SLC41A2: variants seen among roughly 807,000 people sequenced by gnomAD.
SLC41A2 encodes the protein solute carrier family 41 member 2.
Under a neutral mutation model 58.3 loss-of-function variants are expected in SLC41A2, and 32 were observed. That is an observed-to-expected ratio of 0.55 (90% confidence interval 0.41 to 0.74). SLC41A2 has a LOEUF of 0.74. Ranked by LOEUF, SLC41A2 falls within the 30% of genes least tolerant of loss-of-function variation. The pLI, the probability that SLC41A2 is intolerant of heterozygous loss-of-function variation, is 0.00. For synonymous variants in SLC41A2, 190 were observed against 235.0 expected (o/e 0.81, Z 1.75); for missense variants, 514 against 680.6 (o/e 0.76, Z 2.72).
chr12:104,847,860 G>A (rs922914741), intron 8 of SLC41A2, among the ~76,000 whole-genome samples: 2 of 152,084 alleles, frequency 1.3e-5, no homozygotes, highest in Non-Finnish European at 2.9e-5. Flanking sequence ...TGAGAAAAAA[G>A]TTGGTTTTGT....
At chr12:104,936,037 T>C (rs1428840351) in intron 1 of SLC41A2, among the ~76,000 whole-genome samples, 4 of 116,354 alleles carry the variant, frequency 3.4e-5, no homozygotes, top group African/African-American at 1.2e-4. Context: ...AGCGAGACTG[T>C]CTTAAAAAAA....
intron 2 of SLC41A2, among the ~76,000 whole-genome samples, chr12:104,926,344 T>C (rs2046839536): frequency 1.3e-5 from 2 of 152,210 alleles, no homozygotes; most frequent in Non-Finnish European, 2.9e-5. Context: ...GTCATGCCTG[T>C]AATCCCAGCA....
chr12:104,822,110 CT>C (rs1412627229), intron 10 of SLC41A2, among the ~76,000 whole-genome samples: 2 of 151,866 alleles, frequency 1.3e-5, no homozygotes, highest in Non-Finnish European at 2.9e-5. Context: ...AAAGTTGTTT[CT>C]TGGTTTCTAA....
At chr12:104,919,313 T>C (rs1278341940) in intron 2 of SLC41A2, among the ~76,000 whole-genome samples, 1 of 152,216 alleles carries the variant, frequency 6.6e-6, no homozygotes, top group African/African-American at 2.4e-5. Context: ...ACCATTCTTG[T>C]AGAGGATTTG....
chr12:104,949,589 T>C (rs2047874720), intron 1 of SLC41A2, among the ~76,000 whole-genome samples: 2 of 152,138 alleles, frequency 1.3e-5, no homozygotes, highest in South Asian at 2.1e-4. Flanking sequence ...TGAGCTAAAC[T>C]TTTTCTTTTT....
chr12:104,853,911 A>ATTTTTTTTTTTTTTTTTT (rs1555202443), intron 8 of SLC41A2, among the ~76,000 whole-genome samples: 4 of 59,498 alleles, frequency 6.7e-5, no homozygotes, highest in African/African-American at 2.8e-4. Flanking sequence ...TGCCTGGCTG[A>ATTTTTTTTTTTTTTTTTT]TTTTTTTTTT....
chr12:104,925,426 C>T (rs541025235), intron 2 of SLC41A2, among the ~76,000 whole-genome samples: 3 of 152,004 alleles, frequency 2.0e-5, no homozygotes, highest in South Asian at 2.1e-4. Flanking sequence ...GGCGCGGTGG[C>T]GGGCGCCTGT....
intron 1 of SLC41A2, among the ~76,000 whole-genome samples, chr12:104,954,975 G>T (rs938724767): frequency 7.5e-5 from 11 of 145,846 alleles, no homozygotes; most frequent in Admixed American, 5.4e-4. Context: ...AAAGAACCTC[G>T]TCAAGTGAGT....
At chr12:104,845,780 G>C in intron 9 of SLC41A2, 63 bp downstream of exon 9, 1 of 1,482,944 alleles carries the variant, frequency 6.7e-7, no homozygotes, top group Admixed American at 2.1e-5. Flanking sequence ...AATGTTGCCT[G>C]CCTATAATCT....
At chr12:104,926,947 G>C (rs1434112048) in intron 2 of SLC41A2, among the ~76,000 whole-genome samples, 1 of 151,926 alleles carries the variant, frequency 6.6e-6, no homozygotes, top group African/African-American at 2.4e-5. Context: ...TAATTAGTGA[G>C]GTGTAGTGCG....
chr12:104,893,676 TA>T (rs2045129943), intron 4 of SLC41A2, among the ~76,000 whole-genome samples: 1 of 152,128 alleles, frequency 6.6e-6, no homozygotes, highest in Non-Finnish European at 1.5e-5. Flanking sequence ...TATTCAGCCA[TA>T]AAAAAGAATG....
intron 6 of SLC41A2, among the ~76,000 whole-genome samples, chr12:104,870,968 T>C (rs1202894255): frequency 6.6e-6 from 1 of 152,170 alleles, no homozygotes; most frequent in African/African-American, 2.4e-5. Flanking sequence ...CCCTCAAGCA[T>C]AGAGACATTC....
Position 104,818,034 on chromosome 12 carries a change from G to A in SLC41A2, c.1537-12697C>T, listed in dbSNP as rs537817864. 3.7e-4 allele frequency among the ~76,000 whole-genome samples: 57 copies of A among 152,242 alleles called. 1 individual carries two copies. The South Asian group carries it at 0.011, about 30-fold the overall frequency. On this transcript the variant is annotated intron_variant, in intron 10 of 10. Coordinates refer to ENST00000258538, the MANE Select transcript of SLC41A2 (RefSeq NM_001352171.3). ...TTGTGAGGAATGGATATGTTAATTA[G>A]CTTGATTTAGCCACTCCACAATGAA...
At chr12:104,852,653 A>T (rs562350807) in intron 8 of SLC41A2, among the ~76,000 whole-genome samples, 1 of 152,302 alleles carries the variant, frequency 6.6e-6, no homozygotes, top group South Asian at 2.1e-4. Context: ...CAAACTAAAA[A>T]GAAAATGAGT....
intron 10 of SLC41A2, among the ~76,000 whole-genome samples, chr12:104,813,040 G>A (rs571925059): frequency 6.6e-6 from 1 of 152,078 alleles, no homozygotes; most frequent in Admixed American, 6.5e-5. Context: ...TTAGCCAGAT[G>A]TGGTGGTGCA....
rs2040777373 is a variant in SLC41A2, at chr12:104,803,690, A to ATAAC, written c.*1458_*1461dup. 1.3e-5 allele frequency: 2 copies of ATAAC among 152,312 alleles called. No homozygotes were observed. The highest frequency in any genetic ancestry group is 6.5e-5 in the Admixed American group (1 of 15,292). The allele number at this position is 152,312 out of a possible 1,614,324, so 9.4% of individuals were successfully genotyped here. On this transcript the variant is annotated 3_prime_UTR_variant, in exon 11 of 11. Coordinates refer to ENST00000258538, the MANE Select transcript of SLC41A2 (RefSeq NM_001352171.3). ...TACTTTAAAAATGGTTACCTATTCA[A>ATAAC]TAACTAAGGTGTTGGTCAAGTGTTT...
chr12:104,876,534 T>C (rs916487601), intron 6 of SLC41A2, among the ~76,000 whole-genome samples: 1 of 152,152 alleles, frequency 6.6e-6, no homozygotes, highest in Non-Finnish European at 1.5e-5. Flanking sequence ...TTCAGGAGCA[T>C]GATGTTTAAT....
Sources: gnomAD v4.1 joint callset for allele counts (sites outside exome capture counted in the v4.1 genomes callset) on GRCh38, gnomAD v4.1.1 for gene constraint, MANE v1.5 for transcripts, NCBI Gene and HGNC (gene_info 2026-07-23, HGNC 2026-07-21) for gene names.